The following FAM13A variants were observed in gnomAD, a reference collection of about 807,000 sequenced individuals.
The protein encoded by FAM13A is protein FAM13A.
Under a neutral mutation model 129.6 loss-of-function variants are expected in FAM13A, and 76 were observed. The ratio of observed to expected loss-of-function variants is 0.59; its 90% CI spans 0.49 to 0.71. FAM13A has a LOEUF of 0.71. Ranked by LOEUF, FAM13A falls within the 30% of genes least tolerant of loss-of-function variation. The probability of loss-of-function intolerance (pLI) is 0.00; values close to 1 mark genes in which losing one functional copy is unlikely to be tolerated. For missense variants in FAM13A, 1,108 were observed against 1,249.3 expected (o/e 0.89, Z 1.70); for synonymous variants, 443 against 449.9 (o/e 0.98, Z 0.20).
chr4:88,821,854 CAG>C (rs1248681715), intron 7 of FAM13A, among the ~76,000 whole-genome samples: 4 of 152,310 alleles, frequency 2.6e-5, no homozygotes, highest in Middle Eastern at 3.4e-3. Context: ...GTTCCCATGA[CAG>C]TGTCCTTGTT....
chr4:89,031,916 T>G (rs1256759153), intron 1 of FAM13A, among the ~76,000 whole-genome samples: 1 of 152,112 alleles, frequency 6.6e-6, no homozygotes, highest in African/African-American at 2.4e-5. Context: ...TGTCTATATT[T>G]GAGTTTAAAA....
rs1751844013 is a variant in FAM13A at position 88,924,971 on chromosome 4, C to T, written c.759+13117G>A. ...ATGAAAAAATGCTCATCATCACTGG[C>T]CATCAGAGAAATGCAAATCAAAACC... On this transcript the variant is annotated intron_variant, in intron 5 of 23. Transcript: ENST00000264344. Among the ~76,000 whole-genome samples, 2 of 151,136 alleles carry T rather than the reference C, an allele frequency of 1.3e-5. 1 individual carries two copies. The highest frequency in any genetic ancestry group is 4.2e-4 in the South Asian group (2 of 4,738).
intron 7 of FAM13A, among the ~76,000 whole-genome samples, chr4:88,846,669 C>T (rs1208835157): frequency 2.6e-5 from 4 of 152,176 alleles, no homozygotes; most frequent in African/African-American, 7.2e-5. Context: ...TTTGTTTAAA[C>T]AGTATTATTG....
intron 8 of FAM13A, among the ~76,000 whole-genome samples, chr4:88,804,490 G>A (rs1397558824): frequency 6.6e-6 from 1 of 152,116 alleles, no homozygotes; most frequent in Non-Finnish European, 1.5e-5. Flanking sequence ...ACCAGAGAGA[G>A]GTGATCTTGA....
chr4:88,941,350 G>T (rs1754729057), intron 4 of FAM13A, among the ~76,000 whole-genome samples: 1 of 152,112 alleles, frequency 6.6e-6, no homozygotes, highest in Non-Finnish European at 1.5e-5. Flanking sequence ...CTATTGTTGT[G>T]TCTCCCAGCT....
chr4:88,753,665 A>G (rs1454081466), intron 14 of FAM13A: 8 of 905,534 alleles, frequency 8.8e-6, no homozygotes, highest in African/African-American at 1.8e-5. Flanking sequence ...ATAGTCTTAT[A>G]ATTTAAGGCT....
At chr4:89,004,292 C>G (rs1387622787) in intron 3 of FAM13A, among the ~76,000 whole-genome samples, 1 of 152,036 alleles carries the variant, frequency 6.6e-6, no homozygotes, top group Non-Finnish European at 1.5e-5. Context: ...GCGTGCACCA[C>G]CAGGCCTGGC....
intron 6 of FAM13A, among the ~76,000 whole-genome samples, chr4:88,878,125 T>TA (rs1171190924): frequency 6.6e-6 from 1 of 151,498 alleles, no homozygotes; most frequent in East Asian, 1.9e-4. Flanking sequence ...CCGTCTCTAC[T>TA]AAAAAATACA....
intron 7 of FAM13A, among the ~76,000 whole-genome samples, chr4:88,814,708 A>G (rs1355240538): frequency 1.3e-5 from 2 of 152,140 alleles, no homozygotes; most frequent in Non-Finnish European, 2.9e-5. Flanking sequence ...TGACTGCAAA[A>G]TACTGGTATC....
intron 1 of FAM13A, among the ~76,000 whole-genome samples, chr4:89,056,294 T>C (rs1772187894): frequency 6.6e-6 from 1 of 152,192 alleles, no homozygotes; most frequent in South Asian, 2.1e-4. Flanking sequence ...CAGAATAATT[T>C]AGAAATTCAT....
intron 6 of FAM13A, among the ~76,000 whole-genome samples, chr4:88,862,978 C>T (rs1436251302): frequency 1.4e-5 from 2 of 140,784 alleles, no homozygotes; most frequent in Non-Finnish European, 3.1e-5. Context: ...CTTCATTTAG[C>T]CAAAGAAAAG....
chr4:88,888,896 A>G (rs1244593004), intron 6 of FAM13A, among the ~76,000 whole-genome samples: 1 of 149,024 alleles, frequency 6.7e-6, no homozygotes, highest in Non-Finnish European at 1.5e-5. Context: ...AGATTGTGCC[A>G]CTGCGCTCCA....
chr4:88,849,833 A>G (rs1450399887), intron 7 of FAM13A, among the ~76,000 whole-genome samples: 2 of 152,250 alleles, frequency 1.3e-5, no homozygotes, highest in Non-Finnish European at 2.9e-5. Context: ...CAGGCATTCA[A>G]GGTCCTCTAT....
chr4:88,924,484 G>T (rs908077710), intron 5 of FAM13A, among the ~76,000 whole-genome samples: 3 of 152,164 alleles, frequency 2.0e-5, no homozygotes, highest in Admixed American at 6.5e-5. Context: ...ATGGTGCTGG[G>T]AAAACTGGCT....
chr4:88,908,228 C>A (rs536666438), intron 5 of FAM13A, among the ~76,000 whole-genome samples: 3 of 152,214 alleles, frequency 2.0e-5, no homozygotes, highest in African/African-American at 7.2e-5. Flanking sequence ...AGTGAATGAA[C>A]CCATTCCCGC....
At chr4:88,896,121 G>T (rs1010674310) in intron 6 of FAM13A, among the ~76,000 whole-genome samples, 2 of 151,554 alleles carry the variant, frequency 1.3e-5, no homozygotes, top group Non-Finnish European at 2.9e-5. Flanking sequence ...TCCTTTGTAG[G>T]GACATGGATG....
At chr4:88,794,585 T>A in intron 8 of FAM13A, among the ~76,000 whole-genome samples, 1 of 151,860 alleles carries the variant, frequency 6.6e-6, no homozygotes, top group East Asian at 1.9e-4. Flanking sequence ...AAGCATGTGT[T>A]CTCTTTTCTG....
intron 5 of FAM13A, among the ~76,000 whole-genome samples, chr4:88,930,296 C>T (rs907201334): frequency 5.3e-5 from 8 of 152,100 alleles, no homozygotes; most frequent in Non-Finnish European, 1.0e-4. Flanking sequence ...GATAATTACA[C>T]ATCTGGTATA....
rs184745638 is a variant in FAM13A at position 88,756,533 on chromosome 4, G to C, written c.1726+2221C>G. Among the ~76,000 whole-genome samples the C allele has an allele frequency of 2.7e-4, 41 of 152,300 alleles. No individual in the cohort carries two copies. The East Asian group carries it at 7.1e-3, about 27-fold the overall frequency. On this transcript the variant is annotated intron_variant, in intron 14 of 23. Coordinates refer to ENST00000264344, the MANE Select transcript of FAM13A (RefSeq NM_014883.4). Reference sequence around the variant, plus strand: ...GGGAAGGAGCAACCAAACCAAAAAAGAGGGGATGGTGCCTTGAAGACTGGT... The same window carrying C: ...GGGAAGGAGCAACCAAACCAAAAAACAGGGGATGGTGCCTTGAAGACTGGT...
Sources: gnomAD v4.1 joint callset for allele counts (sites outside exome capture counted in the v4.1 genomes callset) on GRCh38, gnomAD v4.1.1 for gene constraint, MANE v1.5 for transcripts, NCBI Gene and HGNC (gene_info 2026-07-23, HGNC 2026-07-21) for gene names.